Variants in AGAP1 observed in about 807,000 individuals in gnomAD.
The protein encoded by AGAP1 is ArfGAP with GTPase domain, ankyrin repeat and PH domain 1.
In AGAP1, 29 loss-of-function variants were observed where a neutral mutation model predicts 105.3. The ratio of observed to expected loss-of-function variants is 0.28; its 90% confidence interval spans 0.21 to 0.38. The LOEUF (loss-of-function observed/expected upper bound fraction) is 0.38, where lower values mean the gene tolerates loss of function less well. Among genes scored for constraint, AGAP1 ranks in the 10% least tolerant of loss-of-function variants. The probability of loss-of-function intolerance (pLI) is 1.00; values close to 1 mark genes in which losing one functional copy is unlikely to be tolerated. For synonymous variants in AGAP1, 509 were observed against 485.9 expected (o/e 1.05, Z -0.63); for missense variants, 998 against 1,165.1 (o/e 0.86, Z 2.09).
intron 9 of AGAP1, among the ~76,000 whole-genome samples, chr2:235,880,405 G>A (rs1484960076): frequency 6.6e-6 from 1 of 152,066 alleles, no homozygotes; most frequent in Non-Finnish European, 1.5e-5. Context: ...ATCTCCTGGT[G>A]ACACCAGAGA....
chr2:235,730,339 C>G (rs988640394), intron 3 of AGAP1, among the ~76,000 whole-genome samples: 7 of 152,068 alleles, frequency 4.6e-5, no homozygotes, highest in African/African-American at 1.7e-4. Context: ...CCTGCCCTCT[C>G]TGGATTCTAA....
rs1576162756 is a variant in AGAP1, at chr2:236,046,837, CA to C, written c.1892-2221del. Among the ~76,000 whole-genome samples, 1 of 152,132 alleles carries C rather than the reference CA, an allele frequency of 6.6e-6. No homozygotes were observed. Among genetic ancestry groups the C allele is most frequent in the Non-Finnish European group, 1.5e-5 (1 of 68,046 alleles). On this transcript the variant is annotated intron_variant, in intron 15 of 17. Transcript: ENST00000304032. The surrounding 1 kb of genome is among the most constrained non-coding windows in gnomAD (Gnocchi z 5.2). ...GAGAGGTCGTTGACCAAAAAGGTAT[CA>C]GAAGTTAGCACTGGCCCAGCACAGT...
rs77651493 is a variant in AGAP1 at position 235,624,294 on chromosome 2, A to G, written c.164-84885A>G. ...AAGAAACACCTACAGATACAGTGGA[A>G]GTCCCCTTGCCCCCTTCTCTGTTCT... is the stretch of plus-strand genomic sequence containing the variant. On this transcript the variant is annotated intron_variant, in intron 1 of 17. Transcript: ENST00000304032. 6.0e-3 allele frequency among the ~76,000 whole-genome samples: 909 copies of G among 152,316 alleles called. 11 individuals carry two copies. The highest frequency in any genetic ancestry group is 0.021 in the African/African-American group (856 of 41,554).
chr2:235,800,255 C>CATA (rs1957432986), intron 8 of AGAP1, among the ~76,000 whole-genome samples: 1 of 151,462 alleles, frequency 6.6e-6, no homozygotes, highest in Non-Finnish European at 1.5e-5. Flanking sequence ...CTCACCACTA[C>CATA]GTGTGGCTAA....
chr2:235,925,148 T>G (rs900301747), intron 11 of AGAP1, among the ~76,000 whole-genome samples: 2 of 152,142 alleles, frequency 1.3e-5, no homozygotes, highest in African/African-American at 4.8e-5. Flanking sequence ...GGGTAGAAGC[T>G]TCCTTTAAGA....
chr2:235,763,989 T>TGCAGCCGTGATCCGTGC (rs141322604), intron 6 of AGAP1, among the ~76,000 whole-genome samples: 1 of 142,824 alleles, frequency 7.0e-6, no homozygotes, highest in Non-Finnish European at 1.5e-5. Flanking sequence ...AAGATCTGTG[T>TGCAGCCGTGATCCGTGC]GTGGCTGTGA....
chr2:235,640,783 C>G (rs1947164013), intron 1 of AGAP1, among the ~76,000 whole-genome samples: 2 of 152,192 alleles, frequency 1.3e-5, no homozygotes, highest in African/African-American at 4.8e-5. Flanking sequence ...CTTTGCAAAC[C>G]TGCCTGAGAG....
intron 1 of AGAP1, among the ~76,000 whole-genome samples, chr2:235,502,529 G>A (rs1286738425): frequency 6.6e-6 from 1 of 152,022 alleles, no homozygotes; most frequent in South Asian, 2.1e-4. Context: ...TTAACCAGGG[G>A]CTCATTTGCA....
intron 1 of AGAP1, among the ~76,000 whole-genome samples, chr2:235,648,841 C>T (rs1043813020): frequency 3.3e-5 from 5 of 151,560 alleles, no homozygotes; most frequent in East Asian, 1.9e-4. Flanking sequence ...GCGCCGAGAT[C>T]GCACCACTGC....
chr2:235,956,870 C>T (rs746967371), intron 12 of AGAP1, among the ~76,000 whole-genome samples: 3 of 152,208 alleles, frequency 2.0e-5, no homozygotes, highest in African/African-American at 7.2e-5. Flanking sequence ...TCTGGGGGAA[C>T]CCAGCCACCC....
rs756155919 is a variant in AGAP1, at chr2:235,893,166, G to A, written c.1155+9717G>A. 6.6e-6 allele frequency among the ~76,000 whole-genome samples: 1 copy of A among 150,776 alleles called. No individual in the cohort carries two copies. Among genetic ancestry groups the A allele is most frequent in the Non-Finnish European group, 1.5e-5 (1 of 67,708 alleles). On this transcript the variant is annotated intron_variant, in intron 10 of 17. Coordinates refer to ENST00000304032, the MANE Select transcript of AGAP1 (RefSeq NM_001037131.3). The surrounding 1 kb of genome is among the most constrained non-coding windows in gnomAD (Gnocchi z 4.7). Reference sequence around the variant, plus strand: ...AGTGTGCACCGTGTCCATCATAAGGGAGCGCTGTGTCTTTGGCGCGGGTGT... The same window carrying A: ...AGTGTGCACCGTGTCCATCATAAGGAAGCGCTGTGTCTTTGGCGCGGGTGT...
At chr2:236,106,207 T>C (rs547989006) in intron 16 of AGAP1, among the ~76,000 whole-genome samples, 8 of 152,268 alleles carry the variant, frequency 5.3e-5, no homozygotes, top group African/African-American at 1.7e-4. Flanking sequence ...TCAGTGTGGC[T>C]GGAGCTGGAG....
rs1039250560 is a variant in AGAP1 at position 235,494,372 on chromosome 2, C to T, written c.-315C>T. ...GGCGGCTGCGGCTCAGGAAGTCACC[C>T]GAGCAAGCCTCCTTCGGGGCCGGCC... On this transcript the variant is annotated 5_prime_UTR_variant, in exon 1 of 18. Coordinates refer to ENST00000304032, the MANE Select transcript of AGAP1 (RefSeq NM_001037131.3). 9 of 143,928 alleles carry T rather than the reference C, an allele frequency of 6.3e-5. No individual in the cohort carries two copies. The highest frequency in any genetic ancestry group is 2.2e-4 in the African/African-American group (9 of 40,200). 8.9% of individuals were successfully genotyped at this position (143,928 alleles called of 1,614,324 possible). A position where few individuals can be genotyped will look rare whatever the true frequency, so the allele number is the denominator to read the frequency against.
At chr2:236,059,115 C>G (rs1317950408) in intron 16 of AGAP1, among the ~76,000 whole-genome samples, 1 of 151,470 alleles carries the variant, frequency 6.6e-6, no homozygotes, top group Non-Finnish European at 1.5e-5. Context: ...TTACTTGAAG[C>G]TAGGAGTTCA....
At chr2:235,618,396 G>A (rs1946374130) in intron 1 of AGAP1, among the ~76,000 whole-genome samples, 1 of 152,076 alleles carries the variant, frequency 6.6e-6, no homozygotes, top group African/African-American at 2.4e-5. Context: ...GGGGCACCTG[G>A]TCTATCTTGC....
rs1264751464 is a variant in AGAP1 at position 236,005,762 on chromosome 2, T to G, written c.1646-30799T>G. ...CTCAGGTTTCATCTTGAGTTACAAG[T>G]TTTGTGGAGAAGGACCACAGGGTGA... On this transcript the variant is annotated intron_variant, in intron 13 of 17. Coordinates refer to ENST00000304032, the MANE Select transcript of AGAP1 (RefSeq NM_001037131.3). The surrounding 1 kb of genome is among the most constrained non-coding windows in gnomAD (Gnocchi z 4.1). Among the ~76,000 whole-genome samples, 5 of 152,224 alleles carry G rather than the reference T, an allele frequency of 3.3e-5. No individual in the cohort carries two copies. The highest frequency in any genetic ancestry group is 7.3e-5 in the Non-Finnish European group (5 of 68,044).
intron 9 of AGAP1, among the ~76,000 whole-genome samples, chr2:235,812,852 C>T (rs990065639): frequency 2.6e-5 from 4 of 152,212 alleles, no homozygotes; most frequent in East Asian, 3.9e-4. Flanking sequence ...TGTCCACCCA[C>T]GTGGCAAATC....
In AGAP1 at chr2:235,599,579, C is replaced by T. The variant is rs59023748; in HGVS notation, c.163+104730C>T. Among the ~76,000 whole-genome samples the T allele has an allele frequency of 7.8e-6, 1 of 128,614 alleles. No homozygotes were observed. The highest frequency in any genetic ancestry group is 2.5e-4 in the East Asian group (1 of 4,070). The allele number at this position is 128,614 out of a possible 152,430, so 84.4% of individuals were successfully genotyped here. A position where few individuals can be genotyped will look rare whatever the true frequency, so the allele number is the denominator to read the frequency against. On this transcript the variant is annotated intron_variant, in intron 1 of 17. Transcript: ENST00000304032. This position sits in a 1 kb window ranked among gnomAD's most constrained non-coding sequence, Gnocchi z 5.3. ...GGATTTGTCCAGAATGGTCACTCTG[C>T]TTTGGAGAACTGCGGATCCCCTGCC...
intron 11 of AGAP1, among the ~76,000 whole-genome samples, chr2:235,916,947 T>C (rs144911591): frequency 2.0e-4 from 31 of 152,346 alleles, no homozygotes; most frequent in Non-Finnish European, 4.0e-4. Flanking sequence ...TTCTGGACTT[T>C]CATGGATGTC....
Sources: gnomAD v4.1 joint callset for allele counts (sites outside exome capture counted in the v4.1 genomes callset) on GRCh38, gnomAD v4.1.1 for gene constraint, Gnocchi (gnomAD v3.1) non-coding constraint, MANE v1.5 for transcripts, NCBI Gene and HGNC (gene_info 2026-07-23, HGNC 2026-07-21) for gene names.